The following MTMR3 variants were observed in gnomAD, a reference collection of about 807,000 sequenced individuals.
MTMR3 encodes phosphatidylinositol-3,5-bisphosphate 3-phosphatase MTMR3.
A neutral mutation model predicts 132.4 loss-of-function variants in MTMR3; 32 were observed. The ratio of observed to expected loss-of-function variants is 0.24; its 90% confidence interval spans 0.18 to 0.32. The LOEUF is 0.32. Ranked by LOEUF, MTMR3 falls within the 10% of genes least tolerant of loss-of-function variation. MTMR3 has a pLI of 1.00. For missense variants in MTMR3, 1,216 were observed against 1,489.6 expected (o/e 0.82, Z 3.02); for synonymous variants, 556 against 550.3 (o/e 1.01, Z -0.14).
chr22:29,948,987 A>G (rs2066003755), intron 1 of MTMR3, among the ~76,000 whole-genome samples: 1 of 151,662 alleles, frequency 6.6e-6, no homozygotes, highest in Admixed American at 6.6e-5. Flanking sequence ...AGTCCCAACT[A>G]CTCAGGAGGC....
At chr22:30,009,405 G>T (rs913814569) in intron 12 of MTMR3, 2 of 360,044 alleles carry the variant, frequency 5.6e-6, no homozygotes, top group Non-Finnish European at 1.0e-5. Context: ...CAAAACAGAA[G>T]CATTACCTTA....
At chr22:29,986,210 G>A (rs560623826) in intron 5 of MTMR3, 1 of 152,214 alleles carries the variant, frequency 6.6e-6, no homozygotes, top group African/African-American at 2.4e-5. Context: ...TGGCACATGG[G>A]AAGGCTGGAG....
At chr22:29,931,363 G>A (rs2065640350) in intron 1 of MTMR3, among the ~76,000 whole-genome samples, 1 of 152,138 alleles carries the variant, frequency 6.6e-6, no homozygotes, top group African/African-American at 2.4e-5. Context: ...TTTGAACAAA[G>A]GAGGACAACA....
rs1456960232 is a variant in MTMR3 at position 30,020,530 on chromosome 22, T to C, written c.2871T>C (p.His957=). 9 of 1,614,066 alleles carry C rather than the reference T, an allele frequency of 5.6e-6. No individual in the cohort carries two copies. Among genetic ancestry groups the C allele is most frequent in the Admixed American group, 1.7e-5 (1 of 60,008 alleles). Residue 957 remains histidine, a synonymous_variant, in exon 17 of 20, where the codon CAT becomes CAC. Coordinates refer to ENST00000401950, the MANE Select transcript of MTMR3 (RefSeq NM_021090.4). ...AGATGTACCCCACACCCAATGGGCA[T>C]TGCGCCAATGGGGAGGCTGGTAGGA... ...TLQMYPTPNG[H]CANGEAGRSK...
intron 16 of MTMR3, 121 bp from the exon 17 acceptor site, chr22:30,019,359 A>C: frequency 2.2e-6 from 2 of 900,756 alleles, no homozygotes; most frequent in Non-Finnish European, 3.3e-6. Context: ...GAGATGCTAC[A>C]GCTCCATGAG....
intron 1 of MTMR3, among the ~76,000 whole-genome samples, chr22:29,954,134 T>C (rs1208728692): frequency 7.1e-6 from 1 of 140,590 alleles, no homozygotes; most frequent in Non-Finnish European, 1.5e-5. Flanking sequence ...AGGCTGAGAG[T>C]ACAGCATTGT....
At chr22:29,933,047 C>T (rs1327764620) in intron 1 of MTMR3, among the ~76,000 whole-genome samples, 3 of 152,236 alleles carry the variant, frequency 2.0e-5, no homozygotes, top group East Asian at 3.9e-4. Context: ...CAGTTCACTG[C>T]CACCTCTGCC....
chr22:29,972,726 A>G (rs375635033), intron 3 of MTMR3, among the ~76,000 whole-genome samples: 1 of 152,060 alleles, frequency 6.6e-6, no homozygotes, highest in Non-Finnish European at 1.5e-5. Context: ...ACCTGCCACC[A>G]TGCTTAGCTA....
chr22:29,984,539 T>C (rs9620935), intron 5 of MTMR3: 15,659 of 152,214 alleles, frequency 0.1, 834 homozygotes, highest in Middle Eastern at 0.14. Context: ...TTTTGAGGAA[T>C]TGGTTGTAGC....
chr22:29,923,323 C>T (rs993919438), intron 1 of MTMR3, among the ~76,000 whole-genome samples: 3 of 151,480 alleles, frequency 2.0e-5, no homozygotes, highest in Admixed American at 6.6e-5. Context: ...CCACCCTCCT[C>T]GGCCTCTCAA....
At chr22:29,951,971 C>T (rs1031152441) in intron 1 of MTMR3, among the ~76,000 whole-genome samples, 2 of 146,180 alleles carry the variant, frequency 1.4e-5, no homozygotes, top group Non-Finnish European at 3.0e-5. Flanking sequence ...CTCACTGCAA[C>T]CTCTGCCTCC....
Position 30,016,651 on chromosome 22 carries a change from G to A in MTMR3, c.1627G>A (p.Gly543Ser). ...TCSVWSLLRA[G>S]NKAFKNLLYS... ...TTCCGTGTGGTCACTTCTTCGGGCA[G>A]GCAACAAGGCTTTCAAAAACCTACT... Residue 543 changes from glycine to serine, a missense_variant, in exon 15 of 20, where the codon GGC (glycine) becomes AGC (serine). Gly to Ser is a moderately conservative substitution (Grantham distance 56). Around this residue, in one of 7 missense-constraint regions of MTMR3, gnomAD observed 852 missense variants for 852.0 expected, o/e 1.00. Coordinates refer to ENST00000401950, the MANE Select transcript of MTMR3 (RefSeq NM_021090.4). The A allele has an allele frequency of 6.2e-7, 1 of 1,614,154 alleles. No individual in the cohort carries two copies. Among genetic ancestry groups the A allele is most frequent in the Non-Finnish European group, 8.5e-7 (1 of 1,180,030 alleles).
chr22:30,004,987 G>A (rs2067246226), intron 9 of MTMR3: 2 of 152,238 alleles, frequency 1.3e-5, no homozygotes, highest in Non-Finnish European at 2.9e-5. Context: ...ATAACTGAAG[G>A]TAGAGATTGC....
chr22:29,945,142 A>G (rs2065927777), intron 1 of MTMR3, among the ~76,000 whole-genome samples: 1 of 152,140 alleles, frequency 6.6e-6, no homozygotes, highest in African/African-American at 2.4e-5. Flanking sequence ...CCTTCTAAGT[A>G]GCTGGGGCCA....
At chr22:29,912,276 TTA>T (rs1401291186) in intron 1 of MTMR3, among the ~76,000 whole-genome samples, 2 of 152,134 alleles carry the variant, frequency 1.3e-5, no homozygotes, top group Non-Finnish European at 2.9e-5. Context: ...TATTATTTAT[TTA>T]TGTTTATGAA....
chr22:29,928,936 A>G (rs962162786), intron 1 of MTMR3, among the ~76,000 whole-genome samples: 4 of 152,154 alleles, frequency 2.6e-5, no homozygotes, highest in African/African-American at 9.7e-5. Flanking sequence ...TTGTCAAGGT[A>G]CTCTTCAAAG....
At chr22:29,951,553 A>G (rs889920181) in intron 1 of MTMR3, among the ~76,000 whole-genome samples, 4 of 152,286 alleles carry the variant, frequency 2.6e-5, no homozygotes, top group African/African-American at 9.6e-5. Flanking sequence ...TTAGTGTGTA[A>G]TTACTTTGCT....
rs1408183560 is a variant in MTMR3 at position 30,027,614 on chromosome 22, T to C, written c.*1813T>C. ...TGATACGGGTTTCTTGGGTCTGATGTACAGTGTGAATAAATGCTTGCAGCT... is the reference window on the plus strand; with the variant it reads ...TGATACGGGTTTCTTGGGTCTGATGCACAGTGTGAATAAATGCTTGCAGCT... On this transcript the variant is annotated 3_prime_UTR_variant, in exon 20 of 20. Coordinates refer to ENST00000401950, the MANE Select transcript of MTMR3 (RefSeq NM_021090.4). The C allele has an allele frequency of 1.3e-5, 2 of 152,812 alleles. No homozygotes were observed. The highest frequency in any genetic ancestry group is 2.9e-5 in the Non-Finnish European group (2 of 68,048). 9.5% of individuals were successfully genotyped at this position (152,812 alleles called of 1,614,324 possible). A position where few individuals can be genotyped will look rare whatever the true frequency, so the allele number is the denominator to read the frequency against.
chr22:29,893,230 C>T (rs1021845133), intron 1 of MTMR3, among the ~76,000 whole-genome samples: 7 of 152,138 alleles, frequency 4.6e-5, no homozygotes, highest in Non-Finnish European at 1.0e-4. Context: ...AAAATATTTT[C>T]GTGGAAGAGG....
Sources: allele counts gnomAD v4.1 joint callset (sites outside exome capture counted in the v4.1 genomes callset), GRCh38; gene constraint gnomAD v4.1.1; regional missense constraint gnomAD v4.1.1; transcripts MANE v1.5; gene names NCBI Gene and HGNC (gene_info 2026-07-23, HGNC 2026-07-21).